SHB: variants seen among roughly 807,000 people sequenced by gnomAD.
SHB encodes SH2 domain-containing adapter protein B.
In SHB, 20 loss-of-function variants were observed where a neutral mutation model predicts 52.3. The ratio of observed to expected loss-of-function variants is 0.38; its 90% CI spans 0.27 to 0.56. SHB has a LOEUF of 0.56. Among genes scored for constraint, SHB ranks in the 20% least tolerant of loss-of-function variants. The pLI is 0.71. For missense variants in SHB, 825 were observed against 723.3 expected, an observed-to-expected ratio of 1.14 and a Z score of -1.61; for synonymous variants, 397 against 316.5, an observed-to-expected ratio of 1.25 and a Z score of -2.70.
chr9:38,043,870 C>A (rs1821611864), intron 1 of SHB, among the ~76,000 whole-genome samples: 1 of 149,210 alleles, frequency 6.7e-6, no homozygotes, highest in South Asian at 2.1e-4. Context: ...GCCTGAGGAA[C>A]AGGAGCAAAA....
intron 1 of SHB, among the ~76,000 whole-genome samples, chr9:38,048,226 G>A (rs1337772625): frequency 1.3e-5 from 2 of 152,004 alleles, no homozygotes; most frequent in Non-Finnish European, 2.9e-5. Context: ...ACCTTCCAGC[G>A]ATAACCAGTG....
At chr9:37,920,317 AAACAAAAC>A (rs968120324) in intron 5 of SHB, among the ~76,000 whole-genome samples, 1 of 146,274 alleles carries the variant, frequency 6.8e-6, no homozygotes, top group Admixed American at 6.8e-5. Flanking sequence ...AAACAAAACA[AAACAAAAC>A]AAAACAAAAC....
intron 1 of SHB, among the ~76,000 whole-genome samples, chr9:38,036,569 A>G (rs1343641398): frequency 1.3e-5 from 2 of 152,044 alleles, no homozygotes; most frequent in African/African-American, 4.8e-5. Context: ...CGATGATCTC[A>G]ACGTCTACAG....
chr9:37,933,567 T>A (rs1001373871), intron 5 of SHB, among the ~76,000 whole-genome samples: 2 of 152,230 alleles, frequency 1.3e-5, no homozygotes, highest in African/African-American at 4.8e-5. Flanking sequence ...TTGTTAAGCC[T>A]GTGGCCCCCT....
At chr9:38,041,226 T>C (rs147214631) in intron 1 of SHB, among the ~76,000 whole-genome samples, 107 of 152,312 alleles carry the variant, frequency 7.0e-4, no homozygotes, top group African/African-American at 2.4e-3. Context: ...ATCAAGAGCC[T>C]GCATTTTACC....
chr9:38,009,904 G>A (rs1162431067), intron 2 of SHB, among the ~76,000 whole-genome samples: 1 of 152,202 alleles, frequency 6.6e-6, no homozygotes, highest in Non-Finnish European at 1.5e-5. Flanking sequence ...ATGTGTAATT[G>A]CTTACATATT....
At chr9:37,997,957 A>G (rs1243330309) in intron 2 of SHB, among the ~76,000 whole-genome samples, 2 of 152,196 alleles carry the variant, frequency 1.3e-5, no homozygotes, top group African/African-American at 4.8e-5. Flanking sequence ...GGGATGAACA[A>G]GAGTGATGCT....
intron 1 of SHB, among the ~76,000 whole-genome samples, 156 bp downstream of exon 1, chr9:38,067,773 G>A (rs1181774066): frequency 2.6e-5 from 4 of 152,210 alleles, no homozygotes; most frequent in African/African-American, 7.2e-5. Flanking sequence ...AAAAGGGCGC[G>A]GGAGGAGGCA....
intron 5 of SHB, among the ~76,000 whole-genome samples, chr9:37,939,121 G>C (rs1200221387): frequency 1.3e-5 from 2 of 152,220 alleles, no homozygotes; most frequent in Non-Finnish European, 2.9e-5. Context: ...CCCAGGGCCA[G>C]ATAGGGCTTC....
intron 2 of SHB, among the ~76,000 whole-genome samples, chr9:37,999,197 G>A (rs1358260236): frequency 6.6e-6 from 1 of 152,012 alleles, no homozygotes; most frequent in Non-Finnish European, 1.5e-5. Context: ...CTCTGAGCAG[G>A]AAAGTAACAT....
intron 3 of SHB, among the ~76,000 whole-genome samples, chr9:37,972,144 C>T (rs1329347106): frequency 6.6e-6 from 1 of 152,138 alleles, no homozygotes; most frequent in Non-Finnish European, 1.5e-5. Flanking sequence ...GAGGGTGAGT[C>T]CCCACACCTG....
chr9:37,995,937 C>T (rs1283273672), intron 2 of SHB, among the ~76,000 whole-genome samples: 1 of 152,208 alleles, frequency 6.6e-6, no homozygotes, highest in African/African-American at 2.4e-5. Context: ...TTACACCCAA[C>T]AATTCTATAC....
intron 3 of SHB, among the ~76,000 whole-genome samples, chr9:37,968,326 T>A (rs1820553806): frequency 6.6e-6 from 1 of 152,164 alleles, no homozygotes; most frequent in Non-Finnish European, 1.5e-5. Context: ...GACTGAACAG[T>A]CTGTCTCAGG....
chr9:37,960,088 C>T (rs1832677769), intron 3 of SHB, among the ~76,000 whole-genome samples: 1 of 152,170 alleles, frequency 6.6e-6, no homozygotes. Context: ...CATTTGCTGG[C>T]AAGCTTAATA....
At chr9:37,944,090 G>T (rs569336883) in intron 5 of SHB, among the ~76,000 whole-genome samples, 1 of 152,220 alleles carries the variant, frequency 6.6e-6, no homozygotes, top group Non-Finnish European at 1.5e-5. Flanking sequence ...ATGAGTTGGC[G>T]GGCAGCCAAG....
chr9:37,948,878 T>C (rs1587206410), intron 4 of SHB, 124 bp from the exon 5 acceptor site: 1 of 1,281,084 alleles, frequency 7.8e-7, no homozygotes. Context: ...ACTGGTTCAT[T>C]CCATGGGTAC....
intron 2 of SHB, among the ~76,000 whole-genome samples, chr9:38,004,260 T>C (rs1397551291): frequency 1.3e-5 from 2 of 152,136 alleles, no homozygotes; most frequent in African/African-American, 2.4e-5. Flanking sequence ...AGCAGAAAAC[T>C]GAATGCCAGC....
At chr9:37,946,431 G>A (rs1175279096) in intron 5 of SHB, among the ~76,000 whole-genome samples, 1 of 152,226 alleles carries the variant, frequency 6.6e-6, no homozygotes, top group Non-Finnish European at 1.5e-5. Context: ...TTCTGCAGGA[G>A]ACAGCTGGCA....
At chr9:37,980,540 G>A (rs1436848894) in intron 2 of SHB, among the ~76,000 whole-genome samples, 2 of 152,182 alleles carry the variant, frequency 1.3e-5, no homozygotes, top group Admixed American at 1.3e-4. Context: ...AGTCATCTGT[G>A]AGGACTGGAC....
Sources: gnomAD v4.1 joint callset for allele counts (sites outside exome capture counted in the v4.1 genomes callset) on GRCh38, gnomAD v4.1.1 for gene constraint, MANE v1.5 for transcripts, NCBI Gene and HGNC (gene_info 2026-07-23, HGNC 2026-07-21) for gene names.